Variants in RABL3 observed in about 807,000 individuals in gnomAD.
RABL3 encodes the protein RAB, member of RAS oncogene family like 3.
In RABL3, 31 loss-of-function variants were observed where a neutral mutation model predicts 31.8. That is an observed-to-expected ratio of 0.97 (90% CI 0.73 to 1.31). The LOEUF (loss-of-function observed/expected upper bound fraction) is 1.31, where lower values mean the gene tolerates loss of function less well. RABL3 is among the 40% of genes most tolerant of loss of function. The probability of loss-of-function intolerance (pLI) is 0.00; values close to 1 mark genes in which losing one functional copy is unlikely to be tolerated. For synonymous variants in RABL3, 97 were observed against 99.9 expected (o/e 0.97, Z 0.18); for missense variants, 263 against 279.6 (o/e 0.94, Z 0.42).
intron 1 of RABL3, among the ~76,000 whole-genome samples, chr3:120,732,895 T>C (rs1313337909): frequency 1.3e-5 from 2 of 152,188 alleles, no homozygotes; most frequent in Non-Finnish European, 2.9e-5. Context: ...CATGAACTCA[T>C]CATTTTTTAT....
Position 120,694,168 on chromosome 3 carries a change from A to G in RABL3, c.591T>C (p.Ser197=). The G allele has an allele frequency of 1.2e-6, 2 of 1,606,662 alleles. No homozygotes were observed. The highest frequency in any genetic ancestry group is 1.7e-6 in the Non-Finnish European group (2 of 1,174,226). ...AAACCATTACCTTATCAAAAAACCTACTGAGCTTGACAGCATTGGAAGAAC... is the reference window on the plus strand; with the variant it reads ...AAACCATTACCTTATCAAAAAACCTGCTGAGCTTGACAGCATTGGAAGAAC... ...AAGSSNAVKL[S]RFFDKVIEKR... Residue 197 remains serine, a synonymous_variant, in exon 6 of 8, where the codon AGT becomes AGC. Transcript: ENST00000273375.
At position 120,692,004 on chromosome 3, in the gene RABL3, C is replaced by T. The variant is rs147169544; in HGVS notation, c.607-1517G>A. Among the ~76,000 whole-genome samples, 360 of 152,306 alleles carry T rather than the reference C, an allele frequency of 2.4e-3. 3 individuals carry two copies. The highest frequency in any genetic ancestry group is 8.1e-3 in the African/African-American group (338 of 41,560). Reference sequence around the variant, plus strand: ...AGACACCAGGGCAAAGTTGCATTCACTTACCCCAGAGGTAGAAAAGTTGGT... The same window carrying T: ...AGACACCAGGGCAAAGTTGCATTCATTTACCCCAGAGGTAGAAAAGTTGGT... On this transcript the variant is annotated intron_variant, in intron 6 of 7. Transcript: ENST00000273375.
At chr3:120,720,024 CA>C (rs1178570219) in intron 2 of RABL3, among the ~76,000 whole-genome samples, 1 of 152,224 alleles carries the variant, frequency 6.6e-6, no homozygotes, top group East Asian at 1.9e-4. Context: ...ATTTGCTGTT[CA>C]CCAATATCCG....
chr3:120,726,743 CA>C (rs2107593114), intron 2 of RABL3, among the ~76,000 whole-genome samples: 1 of 150,190 alleles, frequency 6.7e-6, no homozygotes, highest in Non-Finnish European at 1.5e-5. Context: ...GACTCCATCT[CA>C]AAAAAATAAA....
chr3:120,735,288 C>G (rs1394842605), intron 1 of RABL3, among the ~76,000 whole-genome samples: 2 of 152,070 alleles, frequency 1.3e-5, no homozygotes, highest in Admixed American at 6.6e-5. Context: ...TGTATGTGTC[C>G]AGGAATTTAT....
At chr3:120,700,669 A>G (rs1708482901) in intron 4 of RABL3, among the ~76,000 whole-genome samples, 1 of 152,100 alleles carries the variant, frequency 6.6e-6, no homozygotes. Flanking sequence ...GTTAAAAAAA[A>G]GCCCTTATGT....
chr3:120,725,342 G>T (rs905874031), intron 2 of RABL3, among the ~76,000 whole-genome samples: 1 of 151,086 alleles, frequency 6.6e-6, no homozygotes, highest in African/African-American at 2.5e-5. Flanking sequence ...CTTCTACACT[G>T]TTGGTGGAAC....
intron 2 of RABL3, among the ~76,000 whole-genome samples, chr3:120,723,792 C>T (rs1471621968): frequency 6.6e-6 from 1 of 152,058 alleles, no homozygotes; most frequent in African/African-American, 2.4e-5. Flanking sequence ...ATTGATGGGA[C>T]ATATCTCAAA....
chr3:120,695,395 T>C (rs1170693871), intron 5 of RABL3, among the ~76,000 whole-genome samples: 1 of 152,138 alleles, frequency 6.6e-6, no homozygotes, highest in Non-Finnish European at 1.5e-5. Context: ...ACATTTCTAC[T>C]CTGTGTAACA....
intron 6 of RABL3, 57 bp from the exon 7 acceptor site, chr3:120,690,544 C>G: frequency 8.5e-7 from 1 of 1,175,344 alleles, no homozygotes; most frequent in Non-Finnish European, 1.3e-6. Flanking sequence ...AAGTGGCTAA[C>G]TGCAACGACC....
intron 2 of RABL3, among the ~76,000 whole-genome samples, chr3:120,728,387 C>T (rs953376518): frequency 2.0e-5 from 3 of 152,116 alleles, no homozygotes; most frequent in African/African-American, 7.2e-5. Context: ...CTTTCAGAAG[C>T]GAAGGGCAAT....
chr3:120,724,918 G>C (rs1267732726), intron 2 of RABL3, among the ~76,000 whole-genome samples: 1 of 151,704 alleles, frequency 6.6e-6, no homozygotes. Context: ...AAACACCAAA[G>C]GCAATGGCAA....
intron 1 of RABL3, among the ~76,000 whole-genome samples, chr3:120,733,421 G>C (rs1708913044): frequency 6.6e-6 from 1 of 151,728 alleles, no homozygotes; most frequent in Non-Finnish European, 1.5e-5. Flanking sequence ...TTTTTTTCTT[G>C]TAAATTTGTT....
At position 120,742,499 on chromosome 3, in the gene RABL3, G is replaced by C; in HGVS notation, c.9C>G (p.Ser3=). ...ACACCAGTACCTTCACCCGATCCAG[G>C]GACGCCATCTTGCCACTGCCTTCCC... The part of the protein sequence containing the change: MA[S]LDRVKVLVLG... Residue 3 remains serine (S), a synonymous_variant, in exon 1 of 8, where the codon TCC becomes TCG. Transcript: ENST00000273375. 6.2e-7 allele frequency: 1 copy of C among 1,614,136 alleles called. No homozygotes were observed. The highest frequency in any genetic ancestry group is 8.5e-7 in the Non-Finnish European group (1 of 1,180,002).
At chr3:120,694,622 CA>C (rs1384637786) in intron 5 of RABL3, among the ~76,000 whole-genome samples, 1 of 151,992 alleles carries the variant, frequency 6.6e-6, no homozygotes, top group African/African-American at 2.4e-5. Flanking sequence ...AGTTAATCAC[CA>C]GTGCTCAACT....
intron 4 of RABL3, 109 bp from the exon 5 acceptor site, chr3:120,698,682 T>C (rs981526404): frequency 2.5e-5 from 24 of 957,120 alleles, no homozygotes; most frequent in African/African-American, 5.1e-5. Flanking sequence ...TAACTGATTT[T>C]TGCTGCCTTC....
At chr3:120,707,954 G>C (rs1430934789) in intron 3 of RABL3, among the ~76,000 whole-genome samples, 1 of 152,114 alleles carries the variant, frequency 6.6e-6, no homozygotes, top group Non-Finnish European at 1.5e-5. Context: ...TCTTAAGGGA[G>C]AGAAGTAAAG....
intron 2 of RABL3, among the ~76,000 whole-genome samples, chr3:120,723,128 C>A (rs910977456): frequency 6.6e-6 from 1 of 152,132 alleles, no homozygotes; most frequent in Non-Finnish European, 1.5e-5. Flanking sequence ...CACCACCGAT[C>A]CCACAGAAAT....
chr3:120,740,863 C>G (rs1168322564), intron 1 of RABL3, among the ~76,000 whole-genome samples: 1 of 152,186 alleles, frequency 6.6e-6, no homozygotes, highest in Non-Finnish European at 1.5e-5. Context: ...TAAACCATAA[C>G]AGGGGAGGCG....
Sources: allele counts gnomAD v4.1 joint callset (sites outside exome capture counted in the v4.1 genomes callset), GRCh38; gene constraint gnomAD v4.1.1; transcripts MANE v1.5; gene names NCBI Gene and HGNC (gene_info 2026-07-23, HGNC 2026-07-21).